HNRNPR: variants seen among roughly 807,000 people sequenced by gnomAD.
The protein encoded by HNRNPR is heterogeneous nuclear ribonucleoprotein R.
In HNRNPR, 4 loss-of-function variants were observed where a neutral mutation model predicts 70.3. The observed-to-expected ratio is 0.06, with a 90% CI of 0.03 to 0.13. The LOEUF is 0.13. Ranked by LOEUF, HNRNPR falls within the 10% of genes least tolerant of loss-of-function variation. The probability of loss-of-function intolerance (pLI) is 1.00; values close to 1 mark genes in which losing one functional copy is unlikely to be tolerated. For synonymous variants in HNRNPR, 241 were observed against 267.6 expected (o/e 0.90, Z 0.97); for missense variants, 423 against 788.5 (o/e 0.54, Z 5.55).
rs76826687 is a variant in HNRNPR at position 23,324,036 on chromosome 1, G to C, written c.499-304C>G. 8.9e-4 allele frequency among the ~76,000 whole-genome samples: 136 copies of C among 152,112 alleles called. 3 individuals carry two copies. The East Asian group carries it at 0.017, about 19-fold the overall frequency. ...CATAAAAACAGAATAAAGGAGGCTG[G>C]ACGCAGCAGCTCACGCCTGTAATCC... is the stretch of plus-strand genomic sequence containing the variant. On this transcript the variant is annotated intron_variant, in intron 5 of 10. Transcript: ENST00000302271.
intron 4 of HNRNPR, among the ~76,000 whole-genome samples, chr1:23,334,175 A>T (rs1646362614): frequency 6.6e-6 from 1 of 151,322 alleles, no homozygotes; most frequent in African/African-American, 2.4e-5. Flanking sequence ...TGGCCTCCCA[A>T]AGTGCTAGGA....
At position 23,308,494 on chromosome 1, in the gene HNRNPR, A is replaced by T. The variant is rs1265282256; in HGVS notation, c.*1960T>A. The T allele has an allele frequency of 2.0e-5, 3 of 152,080 alleles. No individual in the cohort carries two copies. Among genetic ancestry groups the T allele is most frequent in the Non-Finnish European group, 4.4e-5 (3 of 67,918 alleles). The allele number at this position is 152,080 out of a possible 1,614,324, so 9.4% of individuals were successfully genotyped here. A position where few individuals can be genotyped will look rare whatever the true frequency, so the allele number is the denominator to read the frequency against. On this transcript the variant is annotated 3_prime_UTR_variant, in exon 11 of 11. Transcript: ENST00000302271. ...TTCAAATTGTACTTTCAAAGTTTAA[A>T]AGCAGCATTTAAAGAATGTTTGGTG...
Position 23,308,379 on chromosome 1 carries a change from C to A in HNRNPR, c.*2075G>T, listed in dbSNP as rs1012480813. On this transcript the variant is annotated 3_prime_UTR_variant, in exon 11 of 11. Transcript: ENST00000302271. ...GCTTGTAACACCTAATTAAGAAATA[C>A]AAACAACTCAAATTTTATTTGTAGA... The A allele has an allele frequency of 6.6e-6, 1 of 151,966 alleles. No homozygotes were observed. The highest frequency in any genetic ancestry group is 1.5e-5 in the Non-Finnish European group (1 of 67,868). The allele number at this position is 151,966 out of a possible 1,614,324, so 9.4% of individuals were successfully genotyped here.
chr1:23,313,505 T>C lies in HNRNPR; in HGVS notation c.1167+48A>G, dbSNP rs1258516825. 6 of 1,322,890 alleles carry C rather than the reference T, an allele frequency of 4.5e-6. No homozygotes were observed. In the Admixed American group the frequency reaches 1.5e-4, roughly 33 times the overall value. The allele number at this position is 1,322,890 out of a possible 1,614,324, so 81.9% of individuals were successfully genotyped here. On this transcript the variant is annotated intron_variant, in intron 9 of 10. Transcript: ENST00000302271. ...AAAGTTACTTTGTGTTTGGCAAGTTTCAAAAACAAAATTCAAATATCAAGA... is the reference window on the plus strand; with the variant it reads ...AAAGTTACTTTGTGTTTGGCAAGTTCCAAAAACAAAATTCAAATATCAAGA...
At chr1:23,323,814 G>T in intron 5 of HNRNPR, 82 bp from the exon 6 acceptor site, 1 of 1,046,696 alleles carries the variant, frequency 9.6e-7, no homozygotes, top group Non-Finnish European at 1.5e-6. Context: ...TTTTTTTAAA[G>T]ATGGGGGCAG....
intron 5 of HNRNPR, among the ~76,000 whole-genome samples, chr1:23,331,555 C>T (rs1397493689): frequency 4.0e-5 from 6 of 151,828 alleles, no homozygotes; most frequent in African/African-American, 9.7e-5. Flanking sequence ...CCAGGTGTGG[C>T]GGCGGATGCC....
intron 7 of HNRNPR, among the ~76,000 whole-genome samples, chr1:23,319,904 G>A (rs1645690457): frequency 6.6e-6 from 1 of 152,068 alleles, no homozygotes; most frequent in Non-Finnish European, 1.5e-5. Flanking sequence ...CATCCTTCAG[G>A]TGCTGGTTGA....
At chr1:23,331,529 A>G (rs1646224181) in intron 5 of HNRNPR, among the ~76,000 whole-genome samples, 2 of 152,138 alleles carry the variant, frequency 1.3e-5, no homozygotes, top group African/African-American at 4.8e-5. Context: ...TAAAAATACC[A>G]AAACTACAAA....
chr1:23,341,659 C>T (rs972979276), intron 1 of HNRNPR, among the ~76,000 whole-genome samples: 1 of 151,720 alleles, frequency 6.6e-6, no homozygotes, highest in African/African-American at 2.4e-5. Context: ...AGTTTAAAAG[C>T]GAAACAATTG....
Position 23,326,080 on chromosome 1 carries a change from G to A in HNRNPR, c.499-2348C>T, listed in dbSNP as rs531688826. On this transcript the variant is annotated intron_variant, in intron 5 of 10. Transcript: ENST00000302271. The stretch of plus-strand genomic sequence containing the variant: ...GAGAGGCTCTCACTATGATGCTCAG[G>A]GTGGTCTCAAACTCCTGGACTCAAG... 2.0e-5 allele frequency among the ~76,000 whole-genome samples: 3 copies of A among 152,180 alleles called. No homozygotes were observed. In the South Asian group the frequency reaches 6.2e-4, roughly 32 times the overall value.
intron 1 of HNRNPR, among the ~76,000 whole-genome samples, 186 bp downstream of exon 1, chr1:23,344,025 G>C (rs552403597): frequency 6.6e-6 from 1 of 152,094 alleles, no homozygotes; most frequent in African/African-American, 2.4e-5. Flanking sequence ...AGGGCGAGAA[G>C]CGTTTCGGCC....
At position 23,313,595 on chromosome 1, in the gene HNRNPR, A is replaced by G. The variant is rs748539893; in HGVS notation, c.1125T>C (p.Asp375=). ...TGTCTTCAAAATGAACAAATGCATAATCTTTCAACTTCTTTACTCTTTCGA... is the reference window on the plus strand; with the variant it reads ...TGTCTTCAAAATGAACAAATGCATAGTCTTTCAACTTCTTTACTCTTTCGA... The part of the protein sequence containing the change: ...GKLERVKKLK[D]YAFVHFEDRG... Residue 375 remains aspartate, a synonymous_variant, in exon 9 of 11, where the codon GAT becomes GAC. Transcript: ENST00000302271. 6.3e-7 allele frequency: 1 copy of G among 1,592,410 alleles called. No individual in the cohort carries two copies. Among genetic ancestry groups the G allele is most frequent in the Non-Finnish European group, 8.5e-7 (1 of 1,174,668 alleles).
At chr1:23,329,074 T>C (rs139444773) in intron 5 of HNRNPR, among the ~76,000 whole-genome samples, 286 of 152,240 alleles carry the variant, frequency 1.9e-3, no homozygotes, top group African/African-American at 6.6e-3. Context: ...TGAGCTACGA[T>C]TGTGCCACTG....
chr1:23,310,759 C>A lies in HNRNPR; in HGVS notation c.1597G>T (p.Gly533Trp). The stretch of plus-strand genomic sequence containing the variant: ...CCTCTTGGTGGTCCCAAAGGTGCCC[C>A]CCTCTGTGAATAGCCAGCTCTACCT... ...PRGRAGYSQR[G>W]APLGPPRGSR... The change falls in exon 11 of 11, where the codon GGG (glycine) becomes TGG (tryptophan). Residue 533 changes from glycine (G) to tryptophan (W), a missense_variant. Coordinates refer to ENST00000302271, the MANE Select transcript of HNRNPR (RefSeq NM_005826.5). This position sits in a 1 kb window ranked among gnomAD's most constrained non-coding sequence, Gnocchi z 6.0. The A allele has an allele frequency of 6.2e-7, 1 of 1,613,764 alleles. No homozygotes were observed. The highest frequency in any genetic ancestry group is 1.1e-5 in the South Asian group (1 of 91,048).
chr1:23,323,616 A>G lies in HNRNPR; in HGVS notation c.615T>C (p.Asn205=), dbSNP rs767993250. 3 of 1,614,132 alleles carry G rather than the reference A, an allele frequency of 1.9e-6. No individual in the cohort carries two copies. The highest frequency in any genetic ancestry group is 3.3e-5 in the Admixed American group (2 of 60,030). ...RLMMDPLSGQ[N]RGYAFITFCG... is the part of the protein sequence containing the mutation. The stretch of plus-strand genomic sequence containing the variant: ...AGAAGGTGATAAATGCATACCCTCT[A>G]TTCTGACCGGACAGTGGATCCATCA... Residue 205 remains asparagine, a synonymous_variant, in exon 6 of 11, where the codon AAT becomes AAC. Coordinates refer to ENST00000302271, the MANE Select transcript of HNRNPR (RefSeq NM_005826.5).
chr1:23,321,163 C>CAAAAAAAAAAAAAAAAAAAAAAAAAAA (rs58123581), intron 7 of HNRNPR, among the ~76,000 whole-genome samples: 13 of 98,136 alleles, frequency 1.3e-4, no homozygotes, highest in African/African-American at 5.0e-4. Context: ...AACTCCGTCT[C>CAAAAAAAAAAAAAAAAAAAAAAAAAAA]AAAAAAAAAA....
chr1:23,317,716 G>A (rs1053282690), intron 8 of HNRNPR, among the ~76,000 whole-genome samples: 1 of 152,052 alleles, frequency 6.6e-6, no homozygotes, highest in African/African-American at 2.4e-5. Context: ...GGGGCACGGT[G>A]GCTCATGCCT....
chr1:23,325,032 CA>C (rs1364968047), intron 5 of HNRNPR, among the ~76,000 whole-genome samples: 1 of 150,782 alleles, frequency 6.6e-6, no homozygotes, highest in Non-Finnish European at 1.5e-5. Flanking sequence ...CCCAGCTACT[CA>C]GGAGGCTGAG....
chr1:23,322,689 T>G (rs1430881069), intron 6 of HNRNPR, among the ~76,000 whole-genome samples: 1 of 152,150 alleles, frequency 6.6e-6, no homozygotes, highest in Admixed American at 6.6e-5. Flanking sequence ...AACTAAAATC[T>G]GGGTCAAGCT....
Sources: allele counts gnomAD v4.1 joint callset (sites outside exome capture counted in the v4.1 genomes callset), GRCh38; gene constraint gnomAD v4.1.1; non-coding constraint Gnocchi (gnomAD v3.1); transcripts MANE v1.5; gene names NCBI Gene and HGNC (gene_info 2026-07-23, HGNC 2026-07-21).